Variants in LRP1B observed in about 807,000 individuals in gnomAD.
LRP1B encodes low-density lipoprotein receptor-related protein 1B.
A neutral mutation model predicts 556.6 loss-of-function variants in LRP1B; 217 were observed. That is an observed-to-expected ratio of 0.39 (90% CI 0.35 to 0.44). The LOEUF is 0.44. LRP1B is among the 20% of genes least tolerant of loss of function. The pLI, the probability that LRP1B is intolerant of heterozygous loss-of-function variation, is 1.00. For synonymous variants in LRP1B, 2,047 were observed against 1,865.8 expected (o/e 1.10, Z -2.50); for missense variants, 5,053 against 5,620.8 (o/e 0.90, Z 3.23).
chr2:140,878,103 C>T (rs1693366838), intron 25 of LRP1B, among the ~76,000 whole-genome samples: 1 of 152,088 alleles, frequency 6.6e-6, no homozygotes, highest in Non-Finnish European at 1.5e-5. Context: ...TAAAAATGAA[C>T]ATTCATATAC....
At chr2:140,645,824 C>T (rs1684464925) in intron 41 of LRP1B, among the ~76,000 whole-genome samples, 1 of 151,966 alleles carries the variant, frequency 6.6e-6, no homozygotes, top group Admixed American at 6.6e-5. Flanking sequence ...AAGCGTGAGC[C>T]ATCGCACCGG....
chr2:141,958,725 A>G (rs1375275032), intron 1 of LRP1B, among the ~76,000 whole-genome samples: 2 of 152,098 alleles, frequency 1.3e-5, no homozygotes, highest in East Asian at 3.9e-4. Flanking sequence ...AAGCATCATT[A>G]CCTACATTCT....
rs2105302761 is a variant in LRP1B at position 140,951,858 on chromosome 2, G to A, written c.2968+2C>T. The A allele has an allele frequency of 6.2e-7, 1 of 1,611,192 alleles. No homozygotes were observed. The highest frequency in any genetic ancestry group is 1.3e-5 in the African/African-American group (1 of 75,008). On this transcript the variant is annotated splice_donor_variant, in intron 19 of 90. Transcript: ENST00000389484. LOFTEE classifies it low-confidence loss of function (GC_TO_GT_DONOR). ...GCTATACAGTGAGCATTTGGTACTT[G>A]CCAGAGTCGCAGTGCCATTTGCTGC...
At chr2:141,052,841 T>C (rs1164298127) in intron 10 of LRP1B, among the ~76,000 whole-genome samples, 1 of 151,950 alleles carries the variant, frequency 6.6e-6, no homozygotes, top group Non-Finnish European at 1.5e-5. Flanking sequence ...TTTTGCAATG[T>C]TGCCCAGGCT....
At chr2:141,220,934 G>A (rs1047595804) in intron 6 of LRP1B, among the ~76,000 whole-genome samples, 1 of 151,876 alleles carries the variant, frequency 6.6e-6, no homozygotes, top group Non-Finnish European at 1.5e-5. Flanking sequence ...ACTAAATATG[G>A]AAAGAAAAGT....
At chr2:140,898,027 T>A (rs1294362184) in intron 23 of LRP1B, among the ~76,000 whole-genome samples, 2 of 152,138 alleles carry the variant, frequency 1.3e-5, no homozygotes, top group African/African-American at 4.8e-5. Context: ...GTTTAGGAGC[T>A]GGCCATAAAG....
In LRP1B at chr2:140,714,516, G is replaced by C. The variant is rs966714922; in HGVS notation, c.6023+1457C>G. On this transcript the variant is annotated intron_variant, in intron 37 of 90. Transcript: ENST00000389484. ...ACAGATTGACATGTAGCAGCAAAAGGCTTGTTAAATTAAGCTGTATGAATC... is the reference window on the plus strand; with the variant it reads ...ACAGATTGACATGTAGCAGCAAAAGCCTTGTTAAATTAAGCTGTATGAATC... Among the ~76,000 whole-genome samples the C allele has an allele frequency of 3.9e-5, 6 of 152,178 alleles. No individual in the cohort carries two copies. The South Asian group carries it at 1.2e-3, about 32-fold the overall frequency.
chr2:141,679,084 CT>C (rs929689031), intron 2 of LRP1B, among the ~76,000 whole-genome samples: 2 of 152,128 alleles, frequency 1.3e-5, no homozygotes, highest in African/African-American at 2.4e-5. Flanking sequence ...TAGAATGGTG[CT>C]TGTGGCAAAG....
chr2:141,727,329 G>A (rs1206282799), intron 2 of LRP1B, among the ~76,000 whole-genome samples: 1 of 152,066 alleles, frequency 6.6e-6, no homozygotes, highest in Admixed American at 6.6e-5. Context: ...CCAAGGTCAC[G>A]CATTAAGAGG....
At chr2:140,255,708 A>AT (rs1681643539) in intron 86 of LRP1B, among the ~76,000 whole-genome samples, 2 of 152,190 alleles carry the variant, frequency 1.3e-5, no homozygotes, top group Non-Finnish European at 2.9e-5. Context: ...ATACATAGGA[A>AT]TGCACATACA....
intron 4 of LRP1B, among the ~76,000 whole-genome samples, chr2:141,248,023 C>T (rs1258779665): frequency 6.6e-6 from 1 of 152,136 alleles, no homozygotes; most frequent in African/African-American, 2.4e-5. Context: ...GCCTGGCCAA[C>T]ATGGTGAGAC....
intron 18 of LRP1B, among the ~76,000 whole-genome samples, chr2:140,975,707 C>G (rs917847694): frequency 6.6e-6 from 1 of 152,082 alleles, no homozygotes; most frequent in African/African-American, 2.4e-5. Context: ...TATTTCATGT[C>G]AATATTCCAC....
chr2:140,935,251 T>C (rs1405076709), intron 20 of LRP1B, among the ~76,000 whole-genome samples: 1 of 151,896 alleles, frequency 6.6e-6, no homozygotes, highest in East Asian at 1.9e-4. Context: ...TAAAGATGCA[T>C]AAAAAAGTCA....
chr2:140,700,735 C>T (rs1042242154), intron 40 of LRP1B, 114 bp from the exon 41 acceptor site: 66 of 1,111,308 alleles, frequency 5.9e-5, no homozygotes, highest in Non-Finnish European at 8.0e-5. Context: ...TCTCTTTTTG[C>T]TCTTAATTTT....
intron 2 of LRP1B, among the ~76,000 whole-genome samples, chr2:141,654,777 T>C (rs1689939885): frequency 6.6e-6 from 1 of 152,160 alleles, no homozygotes; most frequent in African/African-American, 2.4e-5. Flanking sequence ...CAATATCTTT[T>C]ACAATTCTCT....
At chr2:141,110,638 A>ATTT (rs10655870) in intron 7 of LRP1B, among the ~76,000 whole-genome samples, 11,697 of 149,744 alleles carry the variant, frequency 0.078, 556 homozygotes, top group South Asian at 0.13. Flanking sequence ...TGTAATCATG[A>ATTT]TTTTTTTTTT....
At chr2:140,309,660 T>TTCTAATAATAGTTTCTAATATAA (rs1359973498) in intron 83 of LRP1B, among the ~76,000 whole-genome samples, 2 of 151,836 alleles carry the variant, frequency 1.3e-5, no homozygotes, top group Non-Finnish European at 2.9e-5. Context: ...ATATTTTAAT[T>TTCTAATAATAGTTTCTAATATAA]TCTAATAATA....
chr2:141,749,139 GAGAA>G (rs1694017300), intron 2 of LRP1B, among the ~76,000 whole-genome samples: 1 of 152,152 alleles, frequency 6.6e-6, no homozygotes, highest in East Asian at 1.9e-4. Flanking sequence ...AAATATTCCA[GAGAA>G]AGAATTATAT....
At chr2:140,718,345 A>C (rs1421028049) in intron 35 of LRP1B, among the ~76,000 whole-genome samples, 1 of 151,916 alleles carries the variant, frequency 6.6e-6, no homozygotes, top group African/African-American at 2.4e-5. Context: ...CAATCACCAG[A>C]TACTCTCATA....
Sources: gnomAD v4.1 joint callset for allele counts (sites outside exome capture counted in the v4.1 genomes callset) on GRCh38, gnomAD v4.1.1 for gene constraint, MANE v1.5 for transcripts, NCBI Gene and HGNC (gene_info 2026-07-23, HGNC 2026-07-21) for gene names.